LIPC: variants seen among roughly 807,000 people sequenced by gnomAD.
LIPC encodes the protein hepatic triacylglycerol lipase.
A neutral mutation model predicts 50.7 loss-of-function variants in LIPC; 44 were observed. The ratio of observed to expected loss-of-function variants is 0.87; its 90% confidence interval spans 0.68 to 1.11. The LOEUF is 1.11. Ranked by LOEUF, LIPC falls within the 50% of genes most tolerant of loss-of-function variation. The probability of loss-of-function intolerance (pLI) is 0.00; values close to 1 mark genes in which losing one functional copy is unlikely to be tolerated. For missense variants in LIPC, 697 were observed against 648.2 expected (o/e 1.08, Z -0.82); for synonymous variants, 271 against 256.4 (o/e 1.06, Z -0.54).
intron 1 of LIPC, among the ~76,000 whole-genome samples, chr15:58,489,218 G>GGGGGGGGGGGGGGGT (rs1555400837): frequency 6.1e-5 from 2 of 32,650 alleles, no homozygotes; most frequent in African/African-American, 2.1e-4. Flanking sequence ...ATTTTGTTGC[G>GGGGGGGGGGGGGGGT]GGGGCGGGGG....
In LIPC at chr15:58,538,418, C is replaced by G. The variant is rs773510851; in HGVS notation, c.174C>G (p.Thr58=). ...CCAGATTCCTGCTCTTTGGAGAAAC[C>G]AATCAGGGCTGTCAGATTCGAATCA... is the stretch of plus-strand genomic sequence containing the variant. The part of the protein sequence containing the change: ...MKTRFLLFGE[T]NQGCQIRINH... Residue 58 remains threonine (T), a synonymous_variant, in exon 2 of 9, where the codon ACC becomes ACG. Transcript: ENST00000299022. The G allele has an allele frequency of 6.2e-7, 1 of 1,614,120 alleles. No homozygotes were observed. The highest frequency in any genetic ancestry group is 8.5e-7 in the Non-Finnish European group (1 of 1,180,008).
chr15:58,432,979 C>G (rs1893175039), intron 1 of LIPC, among the ~76,000 whole-genome samples: 1 of 152,192 alleles, frequency 6.6e-6, no homozygotes, highest in Non-Finnish European at 1.5e-5. Flanking sequence ...CTAAAAATTT[C>G]AGAAGCTTTT....
chr15:58,510,523 A>C (rs1431382871), intron 1 of LIPC, among the ~76,000 whole-genome samples: 11 of 152,254 alleles, frequency 7.2e-5, no homozygotes, highest in Admixed American at 5.9e-4. Context: ...GTGTTTTATG[A>C]AATGTAATCA....
intron 1 of LIPC, among the ~76,000 whole-genome samples, chr15:58,507,182 G>A (rs964430381): frequency 6.6e-6 from 1 of 152,142 alleles, no homozygotes; most frequent in African/African-American, 2.4e-5. Flanking sequence ...GGGGAAACCA[G>A]GAGAACAGGG....
chr15:58,456,544 A>AGGT (rs1188236961), intron 1 of LIPC, among the ~76,000 whole-genome samples: 2 of 152,200 alleles, frequency 1.3e-5, no homozygotes, highest in African/African-American at 4.8e-5. Context: ...CCCTGGAGGG[A>AGGT]GGTGCTGGGG....
At chr15:58,552,861 A>G (rs1435026536) in intron 6 of LIPC, among the ~76,000 whole-genome samples, 2 of 152,202 alleles carry the variant, frequency 1.3e-5, no homozygotes, top group African/African-American at 4.8e-5. Flanking sequence ...GACAAAACCT[A>G]TGTGGGCACC....
chr15:58,523,442 C>G (rs1378802336), intron 1 of LIPC: 1 of 152,224 alleles, frequency 6.6e-6, no homozygotes, highest in Non-Finnish European at 1.5e-5. Context: ...TAGACAGACA[C>G]GTAAGCCAAG....
intron 1 of LIPC, among the ~76,000 whole-genome samples, chr15:58,474,577 T>C (rs1308067330): frequency 2.6e-5 from 4 of 150,974 alleles, no homozygotes; most frequent in Admixed American, 6.6e-5. Flanking sequence ...CCATCTTTGA[T>C]GTAGGTAATT....
At chr15:58,460,017 G>T (rs555899227) in intron 1 of LIPC, among the ~76,000 whole-genome samples, 1 of 152,188 alleles carries the variant, frequency 6.6e-6, no homozygotes, top group Non-Finnish European at 1.5e-5. Flanking sequence ...TCACCCTGGA[G>T]GCCCAAAGGG....
At chr15:58,562,234 C>T (rs1483044209) in intron 7 of LIPC, among the ~76,000 whole-genome samples, 2 of 152,198 alleles carry the variant, frequency 1.3e-5, no homozygotes, top group African/African-American at 4.8e-5. Flanking sequence ...TCCTCAGCCT[C>T]TCCAGCTCCC....
intron 1 of LIPC, among the ~76,000 whole-genome samples, chr15:58,464,324 C>A (rs1177511262): frequency 2.0e-5 from 3 of 152,186 alleles, no homozygotes; most frequent in Non-Finnish European, 4.4e-5. Flanking sequence ...CCTGTGTGAA[C>A]CAACTCGGCT....
At chr15:58,458,244 T>TTTA (rs1324110300) in intron 1 of LIPC, among the ~76,000 whole-genome samples, 2 of 152,118 alleles carry the variant, frequency 1.3e-5, no homozygotes, top group African/African-American at 2.4e-5. Context: ...AATGAGGTCA[T>TTTA]CAGGAAGTGC....
At chr15:58,498,237 G>T (rs1186709535) in intron 1 of LIPC, among the ~76,000 whole-genome samples, 1 of 152,128 alleles carries the variant, frequency 6.6e-6, no homozygotes, top group Non-Finnish European at 1.5e-5. Flanking sequence ...AGGATCCTCG[G>T]AAGGGTTTGT....
Position 58,548,383 on chromosome 15 carries a change from G to A in LIPC, c.862G>A (p.Asp288Asn), listed in dbSNP as rs761575901. Residue 288 changes from aspartate (D) to asparagine (N), a missense_variant, in exon 6 of 9, where the codon GAC becomes AAC. Asp to Asn is a conservative substitution (Grantham distance 23). Coordinates refer to ENST00000299022, the MANE Select transcript of LIPC (RefSeq NM_000236.3). ...SHERSVHLFIDSLLHAGTQSM... is the reference protein window; with the variant it reads ...SHERSVHLFINSLLHAGTQSM... Reference sequence around the variant, plus strand: ...CGAGCGATCGGTGCACCTTTTCATCGACTCCTTGCTGCACGCCGGCACGCA... The same window carrying A: ...CGAGCGATCGGTGCACCTTTTCATCAACTCCTTGCTGCACGCCGGCACGCA... The A allele has an allele frequency of 1.9e-5, 30 of 1,613,936 alleles. No homozygotes were observed. The highest frequency in any genetic ancestry group is 2.7e-5 in the African/African-American group (2 of 74,898).
intron 1 of LIPC, among the ~76,000 whole-genome samples, chr15:58,450,756 G>A (rs1278115363): frequency 6.6e-6 from 1 of 152,110 alleles, no homozygotes; most frequent in Non-Finnish European, 1.5e-5. Context: ...TTTATTGAGT[G>A]AAAGTAGTAA....
chr15:58,548,195 T>A, intron 5 of LIPC, 135 bp from the exon 6 acceptor site: 6 of 1,105,908 alleles, frequency 5.4e-6, no homozygotes, highest in South Asian at 1.3e-5. Context: ...TCAAGGGGTC[T>A]GCCTTGACAA....
At chr15:58,559,221 T>C (rs1414437827) in intron 6 of LIPC, among the ~76,000 whole-genome samples, 1 of 152,220 alleles carries the variant, frequency 6.6e-6, no homozygotes, top group Admixed American at 6.5e-5. Flanking sequence ...GAAATTCTCC[T>C]ATGACAAAGC....
chr15:58,452,799 C>G (rs1469017733), intron 1 of LIPC, among the ~76,000 whole-genome samples: 1 of 152,180 alleles, frequency 6.6e-6, no homozygotes. Flanking sequence ...CAGAGCCCAA[C>G]CCCCATGGGA....
chr15:58,497,074 G>T (rs937232465), intron 1 of LIPC, among the ~76,000 whole-genome samples: 1 of 152,218 alleles, frequency 6.6e-6, no homozygotes, highest in African/African-American at 2.4e-5. Context: ...TTCCTTGGAG[G>T]TGTCCATTGG....
Sources: gnomAD v4.1 joint callset for allele counts (sites outside exome capture counted in the v4.1 genomes callset) on GRCh38, gnomAD v4.1.1 for gene constraint, MANE v1.5 for transcripts, NCBI Gene and HGNC (gene_info 2026-07-23, HGNC 2026-07-21) for gene names.